The following CACNG3 variants were observed in gnomAD, a reference collection of about 807,000 sequenced individuals.
CACNG3 encodes the protein calcium voltage-gated channel auxiliary subunit gamma 3.
A neutral mutation model predicts 28.5 loss-of-function variants in CACNG3; 3 were observed. The observed-to-expected ratio is 0.11, with a 90% CI of 0.05 to 0.27. The LOEUF (loss-of-function observed/expected upper bound fraction) is 0.27, where lower values mean the gene tolerates loss of function less well. Among genes scored for constraint, CACNG3 ranks in the 10% least tolerant of loss-of-function variants. CACNG3 has a pLI of 1.00. For missense variants in CACNG3, 236 were observed against 414.4 expected (o/e 0.57, Z 3.74); for synonymous variants, 174 against 162.2 (o/e 1.07, Z -0.55).
intron 1 of CACNG3, among the ~76,000 whole-genome samples, chr16:24,259,622 G>C (rs753110238): frequency 1.3e-5 from 2 of 152,156 alleles, no homozygotes; most frequent in Non-Finnish European, 2.9e-5. Context: ...CAAAAGAAGA[G>C]AATGCCAAGG....
chr16:24,301,831 G>A (rs1472014612), intron 1 of CACNG3, among the ~76,000 whole-genome samples: 1 of 152,186 alleles, frequency 6.6e-6, no homozygotes, highest in Non-Finnish European at 1.5e-5. Context: ...AGACATTAAA[G>A]ATCATTTTCT....
At chr16:24,305,230 T>A (rs2141361914) in intron 1 of CACNG3, among the ~76,000 whole-genome samples, 1 of 152,198 alleles carries the variant, frequency 6.6e-6, no homozygotes, top group African/African-American at 2.4e-5. Flanking sequence ...ATGGGAAATC[T>A]CTGTACCTTC....
chr16:24,320,915 T>C (rs549860067), intron 1 of CACNG3, among the ~76,000 whole-genome samples: 8 of 151,660 alleles, frequency 5.3e-5, no homozygotes, highest in Non-Finnish European at 1.0e-4. Context: ...TCATTTTGGG[T>C]AGAGAAAGGG....
At chr16:24,301,071 C>T (rs368527597) in intron 1 of CACNG3, among the ~76,000 whole-genome samples, 2 of 147,440 alleles carry the variant, frequency 1.4e-5, no homozygotes, top group East Asian at 2.0e-4. Flanking sequence ...ATTAGTCTGG[C>T]GTGGTGGCAC....
At chr16:24,282,892 C>G (rs1422477622) in intron 1 of CACNG3, among the ~76,000 whole-genome samples, 1 of 152,044 alleles carries the variant, frequency 6.6e-6, no homozygotes, top group Non-Finnish European at 1.5e-5. Flanking sequence ...TGGACAGAGT[C>G]TCACTCTGTC....
At chr16:24,328,340 C>G (rs985789939) in intron 1 of CACNG3, among the ~76,000 whole-genome samples, 1 of 150,714 alleles carries the variant, frequency 6.6e-6, no homozygotes, top group Non-Finnish European at 1.5e-5. Flanking sequence ...AAAACAAAGC[C>G]TGTGCAGCAG....
chr16:24,258,782 C>T (rs917538121), intron 1 of CACNG3, among the ~76,000 whole-genome samples: 4 of 152,198 alleles, frequency 2.6e-5, no homozygotes, highest in African/African-American at 9.7e-5. Flanking sequence ...AAAAATGGCA[C>T]ATATGTATAC....
At chr16:24,334,622 G>A (rs976196143) in intron 1 of CACNG3, among the ~76,000 whole-genome samples, 2 of 152,210 alleles carry the variant, frequency 1.3e-5, no homozygotes, top group African/African-American at 4.8e-5. Context: ...CTGCAAACTT[G>A]GAAAGATTGG....
intron 1 of CACNG3, among the ~76,000 whole-genome samples, chr16:24,266,416 G>A (rs1483611244): frequency 6.6e-6 from 1 of 152,138 alleles, no homozygotes; most frequent in Admixed American, 6.5e-5. Context: ...ACTCCAAAAT[G>A]TTACAAATCA....
intron 1 of CACNG3, among the ~76,000 whole-genome samples, chr16:24,283,952 T>C (rs1363065837): frequency 6.6e-6 from 1 of 152,230 alleles, no homozygotes; most frequent in African/African-American, 2.4e-5. Context: ...TTTCTGTCAA[T>C]GTCCACTTAA....
chr16:24,349,235 A>G (rs1334563571), intron 2 of CACNG3, among the ~76,000 whole-genome samples: 1 of 152,080 alleles, frequency 6.6e-6, no homozygotes, highest in Non-Finnish European at 1.5e-5. Flanking sequence ...CTTTTCTCCT[A>G]TGCTCTTTGG....
At chr16:24,329,484 G>A (rs1038969486) in intron 1 of CACNG3, among the ~76,000 whole-genome samples, 1 of 152,160 alleles carries the variant, frequency 6.6e-6, no homozygotes, top group Non-Finnish European at 1.5e-5. Flanking sequence ...TCTTTATACA[G>A]ACAGTTAAAC....
chr16:24,269,640 G>A lies in CACNG3; in HGVS notation c.211+12675G>A, dbSNP rs550242355. Among the ~76,000 whole-genome samples, 581 of 151,558 alleles carry A rather than the reference G, an allele frequency of 3.8e-3. 2 individuals are homozygous for A. The highest frequency in any genetic ancestry group is 0.014 in the African/African-American group (574 of 41,332). On this transcript the variant is annotated intron_variant, in intron 1 of 3. Coordinates refer to ENST00000005284, the MANE Select transcript of CACNG3 (RefSeq NM_006539.4). The stretch of plus-strand genomic sequence containing the variant: ...TGGGCACCTGTAATCCCAGCTACTC[G>A]GGAGGCTGAGGTGGTAGAATAGCTT...
chr16:24,296,265 G>A (rs1899031101), intron 1 of CACNG3, among the ~76,000 whole-genome samples: 1 of 152,198 alleles, frequency 6.6e-6, no homozygotes, highest in African/African-American at 2.4e-5. Flanking sequence ...CATGAACTAA[G>A]TCAGTTTGCC....
At chr16:24,275,809 C>T (rs1261921324) in intron 1 of CACNG3, among the ~76,000 whole-genome samples, 1 of 152,180 alleles carries the variant, frequency 6.6e-6, no homozygotes, top group Non-Finnish European at 1.5e-5. Context: ...ATTTAGAAGA[C>T]CTGCATAACT....
At chr16:24,326,174 CTT>C (rs58752966) in intron 1 of CACNG3, among the ~76,000 whole-genome samples, 97,948 of 140,838 alleles carry the variant, frequency 0.7, 33,771 homozygotes, top group Middle Eastern at 0.79. Flanking sequence ...TTTCTTTTTT[CTT>C]TTTTTTTTTT....
At chr16:24,309,403 A>C (rs1293865128) in intron 1 of CACNG3, among the ~76,000 whole-genome samples, 3 of 151,998 alleles carry the variant, frequency 2.0e-5, no homozygotes, top group Non-Finnish European at 4.4e-5. Flanking sequence ...GAGTCACTTC[A>C]CTCTTTACAA....
At chr16:24,336,139 C>T (rs960322816) in intron 1 of CACNG3, among the ~76,000 whole-genome samples, 2 of 151,624 alleles carry the variant, frequency 1.3e-5, no homozygotes, top group Non-Finnish European at 2.9e-5. Flanking sequence ...GCAGGAGAAT[C>T]GCTTGACCCT....
intron 1 of CACNG3, among the ~76,000 whole-genome samples, chr16:24,341,747 G>A (rs1326225095): frequency 6.6e-6 from 1 of 152,122 alleles, no homozygotes; most frequent in Non-Finnish European, 1.5e-5. Context: ...ATACATTTTG[G>A]TTCGGGGGTT....
Sources: allele counts gnomAD v4.1 joint callset (sites outside exome capture counted in the v4.1 genomes callset), GRCh38; gene constraint gnomAD v4.1.1; transcripts MANE v1.5; gene names NCBI Gene and HGNC (gene_info 2026-07-23, HGNC 2026-07-21).